Variants in PI4KB observed in about 807,000 individuals in gnomAD.
PI4KB encodes phosphatidylinositol 4-kinase beta.
Under a neutral mutation model 81.4 loss-of-function variants are expected in PI4KB, and 23 were observed. The observed-to-expected ratio is 0.28, with a 90% CI of 0.20 to 0.40. The LOEUF is 0.40. Ranked by LOEUF, PI4KB falls within the 10% of genes least tolerant of loss-of-function variation. PI4KB has a pLI of 1.00. For synonymous variants in PI4KB, 381 were observed against 406.8 expected (o/e 0.94, Z 0.76); for missense variants, 651 against 1,036.6 (o/e 0.63, Z 5.11).
chr1:151,323,593 C>A (rs1050188956), intron 1 of PI4KB, among the ~76,000 whole-genome samples: 3 of 151,962 alleles, frequency 2.0e-5, no homozygotes, highest in African/African-American at 7.3e-5. Flanking sequence ...GGCGTGGTGG[C>A]GGGCACCTGT....
chr1:151,297,638 A>C (rs1448095245), intron 9 of PI4KB, among the ~76,000 whole-genome samples: 4 of 151,892 alleles, frequency 2.6e-5, no homozygotes, highest in African/African-American at 9.7e-5. Flanking sequence ...CCCGGGTTCA[A>C]GTGATTCTCC....
intron 4 of PI4KB, among the ~76,000 whole-genome samples, chr1:151,307,326 T>C (rs971141355): frequency 6.6e-5 from 10 of 152,202 alleles, no homozygotes; most frequent in African/African-American, 2.2e-4. Context: ...TCTCCTAAGA[T>C]ACAGCAAGAA....
intron 2 of PI4KB, among the ~76,000 whole-genome samples, chr1:151,313,583 A>C (rs1647442287): frequency 6.6e-6 from 1 of 152,272 alleles, no homozygotes; most frequent in African/African-American, 2.4e-5. Flanking sequence ...GTTTGACTCC[A>C]AGATGAGACA....
At position 151,315,964 on chromosome 1, in the gene PI4KB, T is replaced by G. The variant is rs759385940; in HGVS notation, c.518A>C (p.Asp173Ala). ...GTTAAGCAACTGGGGCAGATAGAAGTCCACGTCCTCGTTGCGAAAGCAGAA... is the reference window on the plus strand; with the variant it reads ...GTTAAGCAACTGGGGCAGATAGAAGGCCACGTCCTCGTTGCGAAAGCAGAA... Reference protein sequence around the residue: ...RLFCFRNEDVDFYLPQLLNMY... With the variant: ...RLFCFRNEDVAFYLPQLLNMY... The change falls in exon 2 of 12, where the codon GAC (aspartate) becomes GCC (alanine). Residue 173 changes from aspartate (D) to alanine (A), a missense_variant. By Grantham distance (126) the Asp-to-Ala change is moderately radical. This residue lies in a region of PI4KB where 314 missense variants were observed against 397.8 expected (regional missense o/e 0.79). Transcript: ENST00000368873. 3 of 1,613,042 alleles carry G rather than the reference T, an allele frequency of 1.9e-6. No individual in the cohort carries two copies. In the East Asian group the frequency reaches 6.7e-5, roughly 36 times the overall value.
Position 151,292,294 on chromosome 1 carries a change from G to A in PI4KB, c.*558C>T, listed in dbSNP as rs1182733167. 1 of 154,140 alleles carries A rather than the reference G, an allele frequency of 6.5e-6. No homozygotes were observed. Among genetic ancestry groups the A allele is most frequent in the Non-Finnish European group, 1.4e-5 (1 of 69,220 alleles). The allele number at this position is 154,140 out of a possible 1,614,324, so 9.5% of individuals were successfully genotyped here. A position where few individuals can be genotyped will look rare whatever the true frequency, so the allele number is the denominator to read the frequency against. ...GGAATTCCCTTCCTTGCCCATGATG[G>A]GGAACCTCAGCAAGTGCAGGGCCCA... On this transcript the variant is annotated 3_prime_UTR_variant, in exon 12 of 12. Coordinates refer to ENST00000368873, the MANE Select transcript of PI4KB (RefSeq NM_001369623.2).
chr1:151,325,953 G>A (rs568151700), intron 1 of PI4KB, among the ~76,000 whole-genome samples: 1 of 152,258 alleles, frequency 6.6e-6, no homozygotes, highest in East Asian at 1.9e-4. Context: ...TCCCGATTCT[G>A]AATGTACAAG....
Position 151,316,178 on chromosome 1 carries a change from C to A in PI4KB, c.304G>T (p.Asp102Tyr). 1.2e-6 allele frequency: 2 copies of A among 1,614,064 alleles called. No homozygotes were observed. The highest frequency in any genetic ancestry group is 1.7e-6 in the Non-Finnish European group (2 of 1,179,920). The change falls in exon 2 of 12, where the codon GAT becomes TAT. Residue 102 changes from aspartate (D) to tyrosine (Y), a missense_variant. Physicochemically the swap from Asp to Tyr is radical, Grantham distance 160. Coordinates refer to ENST00000368873, the MANE Select transcript of PI4KB (RefSeq NM_001369623.2). ...DPPAQIREEEDEMGAAVASGT... is the reference protein window; with the variant it reads ...DPPAQIREEEYEMGAAVASGT... Reference sequence around the variant, plus strand: ...GAGGCCACAGCGGCCCCCATCTCATCTTCCTCCTCCCTGATCTGGGCAGGT... The same window carrying A: ...GAGGCCACAGCGGCCCCCATCTCATATTCCTCCTCCCTGATCTGGGCAGGT...
intron 1 of PI4KB, chr1:151,326,310 G>A (rs1649601907): frequency 6.6e-6 from 5 of 754,370 alleles, no homozygotes; most frequent in Non-Finnish European, 1.1e-5. Context: ...TGAACGGCCT[G>A]AGGCAGCTGA....
In PI4KB at chr1:151,293,026, C is replaced by T. The variant is rs1694429156; in HGVS notation, c.2277G>A (p.Gln759=). ...TGCTGGAGCCATGGAAGCAAGGAAG[C>T]TGAGAACCTGGGGGAAGCAGTCGGA... ...QIVEIMQQGS[Q]LPCFHGSSTI... The change falls in exon 12 of 12, where the codon CAG becomes CAA. Residue 759 remains glutamine (Q), a synonymous_variant. Transcript: ENST00000368873. 1 of 1,613,926 alleles carries T rather than the reference C, an allele frequency of 6.2e-7. No homozygotes were observed. Among genetic ancestry groups the T allele is most frequent in the Non-Finnish European group, 8.5e-7 (1 of 1,179,850 alleles).
At chr1:151,293,387 G>C in intron 11 of PI4KB, 2 of 1,307,020 alleles carry the variant, frequency 1.5e-6, no homozygotes, top group Non-Finnish European at 2.0e-6. Flanking sequence ...CCTATGCTAC[G>C]TCTGACACTC....
chr1:151,316,304 T>G lies in PI4KB; in HGVS notation c.178A>C (p.Lys60Gln), dbSNP rs141886432. The G allele has an allele frequency of 9.7e-4, 1,568 of 1,614,170 alleles. 6 individuals carry two copies. The highest frequency in any genetic ancestry group is 9.2e-4 in the Non-Finnish European group (1,087 of 1,180,030). ...KACQEVLEKV[K>Q]LLHGGVAVSS... ...ACTGCCACGCCTCCATGCAAAAGCT[T>G]GACTTTCTCCAACACCTCCTGGCAG... The change falls in exon 2 of 12, where the codon AAG (lysine) becomes CAG (glutamine). Residue 60 changes from lysine (K) to glutamine (Q), a missense_variant. Physicochemically the swap from Lys to Gln is moderately conservative, Grantham distance 53. Coordinates refer to ENST00000368873, the MANE Select transcript of PI4KB (RefSeq NM_001369623.2).
At chr1:151,310,894 A>T (rs953533256) in intron 2 of PI4KB, among the ~76,000 whole-genome samples, 1 of 152,196 alleles carries the variant, frequency 6.6e-6, no homozygotes. Context: ...CTGGATGCTG[A>T]TGGGAGTGAA....
chr1:151,326,746 T>C (rs1368798371), intron 1 of PI4KB, among the ~76,000 whole-genome samples: 2 of 151,602 alleles, frequency 1.3e-5, no homozygotes, highest in South Asian at 2.1e-4. Flanking sequence ...GCTGGCTGGG[T>C]AGGTGGGTGA....
intron 9 of PI4KB, among the ~76,000 whole-genome samples, chr1:151,296,880 A>C (rs887421476): frequency 5.3e-5 from 8 of 152,070 alleles, no homozygotes; most frequent in Admixed American, 5.2e-4. Context: ...GGTTCCAGCA[A>C]TTGTCCTGCC....
In PI4KB at chr1:151,299,081, G is replaced by A; in HGVS notation, c.1750-8C>T. On this transcript the variant is annotated splice_region_variant and splice_polypyrimidine_tract_variant and intron_variant, in intron 8 of 11. Coordinates refer to ENST00000368873, the MANE Select transcript of PI4KB (RefSeq NM_001369623.2). Reference sequence around the variant, plus strand: ...CTCCTGTTCCCAAATGGACTGTGAGGAGACATGGAGGATACAGGACTCTTA... The same window carrying A: ...CTCCTGTTCCCAAATGGACTGTGAGAAGACATGGAGGATACAGGACTCTTA... 1 of 1,612,834 alleles carries A rather than the reference G, an allele frequency of 6.2e-7. No homozygotes were observed. The highest frequency in any genetic ancestry group is 8.5e-7 in the Non-Finnish European group (1 of 1,178,870).
chr1:151,307,518 C>A, intron 4 of PI4KB, 56 bp downstream of exon 4: 1 of 1,215,768 alleles, frequency 8.2e-7, no homozygotes, highest in South Asian at 1.3e-5. Context: ...AAACTCTGAA[C>A]AACCATGGGT....
chr1:151,297,665 T>C (rs746198123), intron 9 of PI4KB, among the ~76,000 whole-genome samples: 4 of 151,944 alleles, frequency 2.6e-5, no homozygotes, highest in Admixed American at 1.3e-4. Context: ...GCCTCCCAAA[T>C]AGCTGGGATT....
intron 1 of PI4KB, among the ~76,000 whole-genome samples, chr1:151,324,341 TTCC>T (rs1467782462): frequency 1.3e-5 from 2 of 152,052 alleles, no homozygotes; most frequent in Non-Finnish European, 2.9e-5. Flanking sequence ...TGTTGAGGAG[TTCC>T]TCCTCATGTC....
In PI4KB at chr1:151,323,732, AAACAAAAACAAC is replaced by A. The variant is rs1225641071; in HGVS notation, c.-29+3527_-29+3538del. 2.6e-5 allele frequency among the ~76,000 whole-genome samples: 4 copies of A among 152,196 alleles called. No homozygotes were observed. In the South Asian group the frequency reaches 6.2e-4, roughly 24 times the overall value. On this transcript the variant is annotated intron_variant, in intron 1 of 11. Coordinates refer to ENST00000368873, the MANE Select transcript of PI4KB (RefSeq NM_001369623.2). ...GAACGAGACTCCATCTCAAACAAACAAACAAAAACAACAACAAAAACAAACAAAAAAACAAAG... is the reference window on the plus strand; with the variant it reads ...GAACGAGACTCCATCTCAAACAAACAAACAAAAACAAACAAAAAAACAAAG...
Sources: gnomAD v4.1 joint callset for allele counts (sites outside exome capture counted in the v4.1 genomes callset) on GRCh38, gnomAD v4.1.1 for gene constraint, gnomAD v4.1.1 regional missense constraint, MANE v1.5 for transcripts, NCBI Gene and HGNC (gene_info 2026-07-23, HGNC 2026-07-21) for gene names.